The following CALN1 variants were observed in gnomAD, a reference collection of about 807,000 sequenced individuals.
The protein encoded by CALN1 is calneuron 1, also known as calcium-binding protein 8.
Under a neutral mutation model 30.6 loss-of-function variants are expected in CALN1, and 17 were observed. The ratio of observed to expected loss-of-function variants is 0.56; its 90% CI spans 0.38 to 0.83. The LOEUF (loss-of-function observed/expected upper bound fraction) is 0.83. Ranked by LOEUF, CALN1 falls within the 40% of genes least tolerant of loss-of-function variation. The probability of loss-of-function intolerance (pLI) is 0.00; values close to 1 mark genes in which losing one functional copy is unlikely to be tolerated. For missense variants in CALN1, 291 were observed against 354.9 expected, an observed-to-expected ratio of 0.82 and a Z score of 1.45; for synonymous variants, 156 against 131.4, an observed-to-expected ratio of 1.19 and a Z score of -1.28.
upstream of CALN1, among the ~76,000 whole-genome samples, chr7:72,451,191 A>AGCAGGAGG (rs1808649596): frequency 8.8e-6 from 1 of 113,042 alleles, no homozygotes; most frequent in Non-Finnish European, 1.7e-5. Context: ...GGAGGAGGAG[A>AGCAGGAGG]AGAAGAAGAA....
chr7:71,833,715 T>C (rs1182562474), intron 5 of CALN1, among the ~76,000 whole-genome samples: 1 of 152,014 alleles, frequency 6.6e-6, no homozygotes, highest in African/African-American at 2.4e-5. Context: ...CCAGACTGGG[T>C]ACCATAGCAA....
intron 2 of CALN1, among the ~76,000 whole-genome samples, chr7:72,353,740 T>A (rs1803068163): frequency 6.6e-6 from 1 of 152,084 alleles, no homozygotes; most frequent in Non-Finnish European, 1.5e-5. Context: ...TGCATCCCGA[T>A]TGGTAAGTAA....
intron 3 of CALN1, among the ~76,000 whole-genome samples, chr7:72,140,841 A>G (rs1809876721): frequency 6.6e-6 from 1 of 152,242 alleles, no homozygotes; most frequent in Non-Finnish European, 1.5e-5. Context: ...TCCTGGGGGA[A>G]AGCTGGCAAG....
chr7:72,454,955 C>A, the CALN1 span, among the ~76,000 whole-genome samples: 3 of 152,002 alleles, frequency 2.0e-5, no homozygotes, highest in Non-Finnish European at 4.4e-5. Flanking sequence ...CCTTAGCCTC[C>A]TGAGTAGCTG....
intron 5 of CALN1, among the ~76,000 whole-genome samples, chr7:71,832,311 A>G (rs371472420): frequency 2.0e-5 from 3 of 152,194 alleles, no homozygotes; most frequent in South Asian, 2.1e-4. Flanking sequence ...TTCTTATTGA[A>G]TATCTTCAGA....
intron 3 of CALN1, among the ~76,000 whole-genome samples, chr7:72,126,217 T>G (rs568827930): frequency 6.6e-6 from 1 of 152,284 alleles, no homozygotes; most frequent in East Asian, 1.9e-4. Context: ...GGTCTCCAAC[T>G]CCATAAAAGT....
At chr7:72,502,006 C>CAT in the CALN1 span, among the ~76,000 whole-genome samples, 1 of 129,328 alleles carries the variant, frequency 7.7e-6, no homozygotes, top group Non-Finnish European at 1.6e-5. Flanking sequence ...TATATATACA[C>CAT]ACATATATAT....
At chr7:72,252,774 T>C (rs1413359254) in intron 3 of CALN1, among the ~76,000 whole-genome samples, 2 of 152,062 alleles carry the variant, frequency 1.3e-5, no homozygotes, top group Admixed American at 1.3e-4. Flanking sequence ...TGTTCCTGCT[T>C]ATTTTATTTT....
At chr7:72,279,217 C>A (rs1280816399) in intron 2 of CALN1, among the ~76,000 whole-genome samples, 2 of 152,066 alleles carry the variant, frequency 1.3e-5, no homozygotes, top group African/African-American at 2.4e-5. Context: ...TGCCCAGGGA[C>A]TAGATGTCTT....
chr7:72,322,002 G>T (rs1245311119), intron 2 of CALN1, among the ~76,000 whole-genome samples: 1 of 152,110 alleles, frequency 6.6e-6, no homozygotes, highest in Non-Finnish European at 1.5e-5. Context: ...CATGGACCGG[G>T]GGCAGGAGAG....
At chr7:72,391,325 G>C (rs1265112204) in intron 2 of CALN1, among the ~76,000 whole-genome samples, 1 of 152,128 alleles carries the variant, frequency 6.6e-6, no homozygotes, top group African/African-American at 2.4e-5. Flanking sequence ...ACCTAATAAT[G>C]ATCAGAGGTA....
At chr7:72,099,061 C>T (rs1806453377) in intron 4 of CALN1, among the ~76,000 whole-genome samples, 1 of 152,200 alleles carries the variant, frequency 6.6e-6, no homozygotes, top group Admixed American at 6.5e-5. Flanking sequence ...CCAGCCGGGC[C>T]TCGTGCCGAA....
chr7:72,012,292 CG>C (rs1800125539), intron 5 of CALN1, among the ~76,000 whole-genome samples: 1 of 152,082 alleles, frequency 6.6e-6, no homozygotes, highest in Non-Finnish European at 1.5e-5. Context: ...CCGAGGCAGG[CG>C]GATCATGAGG....
chr7:72,501,144 A>G, the CALN1 span, among the ~76,000 whole-genome samples: 1 of 152,060 alleles, frequency 6.6e-6, no homozygotes, highest in African/African-American at 2.4e-5. Context: ...GAAAGACACC[A>G]GGATTGGAGA....
chr7:72,325,891 T>C (rs151260667), intron 2 of CALN1, among the ~76,000 whole-genome samples: 23 of 152,140 alleles, frequency 1.5e-4, no homozygotes, highest in African/African-American at 5.3e-4. Flanking sequence ...AAAAATGTGA[T>C]TTAACTGTTT....
At chr7:72,163,323 A>G (rs1476210906) in intron 3 of CALN1, among the ~76,000 whole-genome samples, 1 of 151,878 alleles carries the variant, frequency 6.6e-6, no homozygotes, top group Admixed American at 6.6e-5. Flanking sequence ...TTCAAGAAAA[A>G]GAGCATAATT....
At chr7:72,110,189 C>T (rs1439213830) in intron 3 of CALN1, among the ~76,000 whole-genome samples, 2 of 152,172 alleles carry the variant, frequency 1.3e-5, no homozygotes, top group African/African-American at 2.4e-5. Flanking sequence ...CTAGACCTTA[C>T]AGGTAAGCAT....
chr7:72,188,636 A>G (rs1047871835), intron 3 of CALN1, among the ~76,000 whole-genome samples: 1 of 152,182 alleles, frequency 6.6e-6, no homozygotes, highest in African/African-American at 2.4e-5. Flanking sequence ...CCAAAATCCC[A>G]CAGATCACCA....
intron 3 of CALN1, among the ~76,000 whole-genome samples, chr7:72,246,620 C>T (rs17503630): frequency 0.025 from 3,774 of 152,210 alleles, 59 homozygotes; most frequent in Non-Finnish European, 0.039. Context: ...CTACTAAATG[C>T]CTCAAAGTGG....
Sources: gnomAD v4.1 joint callset for allele counts (sites outside exome capture counted in the v4.1 genomes callset) on GRCh38, gnomAD v4.1.1 for gene constraint, MANE v1.5 for transcripts, NCBI Gene and HGNC (gene_info 2026-07-23, HGNC 2026-07-21) for gene names.